FLACC1: variants seen among roughly 807,000 people sequenced by gnomAD.
FLACC1 encodes the protein flagellum-associated coiled-coil domain-containing protein 1.
In FLACC1, 66 loss-of-function variants were observed where a neutral mutation model predicts 62.8. That is an observed-to-expected ratio of 1.05 (90% CI 0.86 to 1.29). The LOEUF (loss-of-function observed/expected upper bound fraction) is 1.29. Among genes scored for constraint, FLACC1 ranks in the 50% most tolerant of loss-of-function variants. The pLI is 0.00. For synonymous variants in FLACC1, 156 were observed against 161.0 expected (o/e 0.97, Z 0.24); for missense variants, 452 against 489.1 (o/e 0.92, Z 0.71).
chr2:201,324,372 A>C (rs566704278), intron 9 of FLACC1, among the ~76,000 whole-genome samples: 3 of 152,278 alleles, frequency 2.0e-5, no homozygotes, highest in Admixed American at 6.5e-5. Context: ...TTACTACTAG[A>C]CCTAAGAAAT....
At chr2:201,292,474 G>T (rs1053621608) in intron 12 of FLACC1, among the ~76,000 whole-genome samples, 1 of 152,162 alleles carries the variant, frequency 6.6e-6, no homozygotes, top group Non-Finnish European at 1.5e-5. Context: ...ACAAGCAAAT[G>T]CTGAGAGATT....
At position 201,351,347 on chromosome 2, in the gene FLACC1, G is replaced by A. The variant is rs759419207; in HGVS notation, c.58C>T (p.Arg20Trp). ...AGTTGAGGGGTCTTGATTAGCTTCC[G>A]TGGTCCCAAGTTCCAGGGGTCCCAG... ...TCWDPWNLGP[R>W]KLIKTPQLPR... The change falls in exon 2 of 15, where the codon CGG becomes TGG. Residue 20 changes from arginine to tryptophan, a missense_variant. Physicochemically the swap from Arg to Trp is moderately radical, Grantham distance 101. Transcript: ENST00000392257. 24 of 1,614,002 alleles carry A rather than the reference G, an allele frequency of 1.5e-5. No homozygotes were observed. The highest frequency in any genetic ancestry group is 2.2e-5 in the South Asian group (2 of 91,086).
rs1269523312 is a variant in FLACC1, at chr2:201,353,974, T to C, written c.-47-2523A>G. ...AGAATCAATGGCCTAACAGAAGCAT[T>C]AAAGTGATAGCAGATTTAACTCAAA... On this transcript the variant is annotated intron_variant, in intron 1 of 14. Transcript: ENST00000392257. Among the ~76,000 whole-genome samples, 3 of 152,296 alleles carry C rather than the reference T, an allele frequency of 2.0e-5. No homozygotes were observed. In the East Asian group the frequency reaches 5.8e-4, roughly 29 times the overall value.
At chr2:201,300,645 C>T (rs1305410514) in intron 11 of FLACC1, among the ~76,000 whole-genome samples, 1 of 152,118 alleles carries the variant, frequency 6.6e-6, no homozygotes. Flanking sequence ...TCCCTGACCC[C>T]CGAGAAGCCT....
intron 11 of FLACC1, among the ~76,000 whole-genome samples, chr2:201,302,480 TG>T (rs1299443809): frequency 3.9e-5 from 6 of 152,112 alleles, no homozygotes; most frequent in Non-Finnish European, 8.8e-5. Flanking sequence ...ACAATAATAA[TG>T]GGAGACTTTA....
intron 12 of FLACC1, among the ~76,000 whole-genome samples, chr2:201,296,454 T>C (rs1369306155): frequency 2.9e-5 from 4 of 136,746 alleles, no homozygotes; most frequent in Non-Finnish European, 4.5e-5. Context: ...GAGGTGGGAA[T>C]TGAACAATGA....
intron 9 of FLACC1, among the ~76,000 whole-genome samples, chr2:201,314,925 C>G (rs530503075): frequency 1.2e-4 from 19 of 152,184 alleles, no homozygotes; most frequent in African/African-American, 4.6e-4. Context: ...AATTTTGTAC[C>G]AAGCAAAACC....
intron 9 of FLACC1, among the ~76,000 whole-genome samples, chr2:201,319,562 A>T (rs2125578775): frequency 6.6e-6 from 1 of 152,262 alleles, no homozygotes; most frequent in Non-Finnish European, 1.5e-5. Context: ...CCCGTCAACA[A>T]AGTAAACAGG....
intron 9 of FLACC1, among the ~76,000 whole-genome samples, chr2:201,309,925 A>AAAAAAAAAAAAAG (rs764506462): frequency 2.5e-4 from 25 of 99,370 alleles, no homozygotes; most frequent in Non-Finnish European, 4.8e-4. Context: ...AAAAAAAAAA[A>AAAAAAAAAAAAAG]AAGAAGAAGA....
chr2:201,308,965 A>G (rs1950159089), intron 10 of FLACC1, among the ~76,000 whole-genome samples, 186 bp downstream of exon 10: 1 of 152,140 alleles, frequency 6.6e-6, no homozygotes, highest in Admixed American at 6.5e-5. Context: ...CCTGAACTTC[A>G]AAAAAGACCC....
intron 4 of FLACC1, 24 bp downstream of exon 4, chr2:201,348,230 C>G: frequency 3.7e-6 from 6 of 1,610,732 alleles, no homozygotes; most frequent in Non-Finnish European, 4.2e-6. Flanking sequence ...TTTAGTCCCA[C>G]CGCCCTCTCC....
intron 12 of FLACC1, among the ~76,000 whole-genome samples, chr2:201,292,930 A>G (rs1365993601): frequency 2.6e-5 from 4 of 152,256 alleles, no homozygotes; most frequent in African/African-American, 9.6e-5. Context: ...AAAGAAGGCC[A>G]TTATATAATG....
chr2:201,342,357 C>T lies in FLACC1; in HGVS notation c.524+13G>A. 2 of 1,614,060 alleles carry T rather than the reference C, an allele frequency of 1.2e-6. No individual in the cohort carries two copies. Among genetic ancestry groups the T allele is most frequent in the South Asian group, 2.2e-5 (2 of 91,076 alleles). ...CCATCAACACACACAAGGGTCCATGCCAGAAAGTGTACCTGTTCTTGTTTT... is the reference window on the plus strand; with the variant it reads ...CCATCAACACACACAAGGGTCCATGTCAGAAAGTGTACCTGTTCTTGTTTT... On this transcript the variant is annotated intron_variant, in intron 7 of 14. Transcript: ENST00000392257.
rs774986561 is a variant in FLACC1, at chr2:201,330,853, G to A, written c.525-20C>T. 7.5e-6 allele frequency: 12 copies of A among 1,603,334 alleles called. No homozygotes were observed. On this transcript the variant is annotated intron_variant, in intron 7 of 14. Coordinates refer to ENST00000392257, the MANE Select transcript of FLACC1 (RefSeq NM_001127391.3). ...AGCTCCCTGTGGGACCCCAGGAGAAGGCCACAATCATTAGTAAAAAGAAGT... is the reference window on the plus strand; with the variant it reads ...AGCTCCCTGTGGGACCCCAGGAGAAAGCCACAATCATTAGTAAAAAGAAGT...
chr2:201,326,608 C>A lies in FLACC1; in HGVS notation c.675+3862G>T, dbSNP rs987573657. Among the ~76,000 whole-genome samples the A allele has an allele frequency of 2.6e-5, 4 of 151,980 alleles. No individual in the cohort carries two copies. The highest frequency in any genetic ancestry group is 5.9e-5 in the Non-Finnish European group (4 of 68,008). On this transcript the variant is annotated intron_variant, in intron 9 of 14. Transcript: ENST00000392257. The surrounding 1 kb of genome is among the most constrained non-coding windows in gnomAD (Gnocchi z 4.1). The stretch of plus-strand genomic sequence containing the variant: ...ATAAAATACTTAGGAATGTACTTAA[C>A]CAAGGAGGTGAAAGATCTCTACAAG...
At chr2:201,304,142 C>T (rs1279776264) in intron 11 of FLACC1, among the ~76,000 whole-genome samples, 4 of 152,178 alleles carry the variant, frequency 2.6e-5, no homozygotes, top group African/African-American at 9.7e-5. Flanking sequence ...GTCAAATTGT[C>T]CCTGTTTGCA....
chr2:201,315,638 A>T (rs769217230), intron 9 of FLACC1, among the ~76,000 whole-genome samples: 1 of 152,212 alleles, frequency 6.6e-6, no homozygotes, highest in Non-Finnish European at 1.5e-5. Flanking sequence ...ACAGCACTAG[A>T]CAGGTCAAGA....
chr2:201,349,199 C>T (rs1341982677), intron 3 of FLACC1, among the ~76,000 whole-genome samples: 1 of 152,226 alleles, frequency 6.6e-6, no homozygotes, highest in Non-Finnish European at 1.5e-5. Context: ...CCACTCCCTG[C>T]TCACTCGCTC....
At chr2:201,353,779 G>A (rs1951071371) in intron 1 of FLACC1, among the ~76,000 whole-genome samples, 1 of 152,096 alleles carries the variant, frequency 6.6e-6, no homozygotes, top group Admixed American at 6.5e-5. Flanking sequence ...TGTATTTTTA[G>A]TAGAGACTGG....
Sources: allele counts gnomAD v4.1 joint callset (sites outside exome capture counted in the v4.1 genomes callset), GRCh38; gene constraint gnomAD v4.1.1; non-coding constraint Gnocchi (gnomAD v3.1); transcripts MANE v1.5; gene names NCBI Gene and HGNC (gene_info 2026-07-23, HGNC 2026-07-21).